Variants in SIN3B observed in about 807,000 individuals in gnomAD.
The protein encoded by SIN3B is paired amphipathic helix protein Sin3b.
A neutral mutation model predicts 120.2 loss-of-function variants in SIN3B; 19 were observed. That is an observed-to-expected ratio of 0.16 (90% CI 0.11 to 0.23). The LOEUF is 0.23. SIN3B is among the 10% of genes least tolerant of loss of function. The pLI is 1.00. For synonymous variants in SIN3B, 654 were observed against 653.2 expected, an observed-to-expected ratio of 1.00 and a Z score of -0.02; for missense variants, 1,073 against 1,573.0, an observed-to-expected ratio of 0.68 and a Z score of 5.38.
At chr19:16,865,330 G>A in intron 10 of SIN3B, 80 bp from the exon 11 acceptor site, 1 of 743,886 alleles carries the variant, frequency 1.3e-6, no homozygotes. Context: ...AAAATCCTCT[G>A]GTCTCTGAGG....
intron 9 of SIN3B, 104 bp from the exon 10 acceptor site, chr19:16,863,576 T>G: frequency 1.3e-6 from 1 of 766,318 alleles, no homozygotes. Context: ...TGGTATTATG[T>G]ATCAGGATGG....
At chr19:16,839,471 G>A (rs181612303) in intron 3 of SIN3B, among the ~76,000 whole-genome samples, 10 of 152,186 alleles carry the variant, frequency 6.6e-5, no homozygotes, top group East Asian at 1.9e-4. Flanking sequence ...CCATTTTGTC[G>A]CAGTGGCACA....
chr19:16,875,770 CTGTT>C (rs2051593119), intron 14 of SIN3B, among the ~76,000 whole-genome samples: 1 of 140,228 alleles, frequency 7.1e-6, no homozygotes, highest in Non-Finnish European at 1.5e-5. Flanking sequence ...TTGGTCTGGT[CTGTT>C]TGGTCTGGTC....
At chr19:16,857,450 G>A (rs965894299) in intron 8 of SIN3B, among the ~76,000 whole-genome samples, 1 of 150,358 alleles carries the variant, frequency 6.7e-6, no homozygotes, top group Admixed American at 6.6e-5. Context: ...GTTCTAAATG[G>A]GAAAAAGTTG....
intron 10 of SIN3B, 185 bp from the exon 11 acceptor site, chr19:16,865,225 T>G: frequency 7.1e-6 from 4 of 563,814 alleles, no homozygotes; most frequent in Non-Finnish European, 1.3e-5. Flanking sequence ...GCCCAGGAGG[T>G]TGAGGCTGCA....
rs1232010310 is a variant in SIN3B at position 16,869,981 on chromosome 19, G to A, written c.2328G>A (p.Glu776=). 1.2e-6 allele frequency: 2 copies of A among 1,614,132 alleles called. No homozygotes were observed. The highest frequency in any genetic ancestry group is 1.7e-6 in the Non-Finnish European group (2 of 1,180,042). The stretch of plus-strand genomic sequence containing the variant: ...GCCAGGCGCAGAAGCAGCTTCTGGA[G>A]TATCGGACCGAGAAGGAGCGGGAGA... ...IYRQAQKQLL[E]YRTEKEREKL... is the part of the protein sequence containing the mutation. Residue 776 remains glutamate, a synonymous_variant, in exon 13 of 19, where the codon GAG becomes GAA. Transcript: ENST00000248054.
chr19:16,853,321 A>G (rs1971568973), intron 7 of SIN3B, among the ~76,000 whole-genome samples, 163 bp downstream of exon 7: 1 of 152,206 alleles, frequency 6.6e-6, no homozygotes, highest in South Asian at 2.1e-4. Context: ...GCGGAAGGGA[A>G]TGTGGGCCTC....
chr19:16,841,737 G>T (rs748805669), intron 3 of SIN3B, 31 bp from the exon 4 acceptor site: 3 of 1,599,542 alleles, frequency 1.9e-6, no homozygotes, highest in Non-Finnish European at 2.6e-6. Flanking sequence ...CCAGTGTCGG[G>T]CCTGGCAGTA....
chr19:16,873,036 C>A (rs1307096175), intron 14 of SIN3B, among the ~76,000 whole-genome samples: 1 of 152,060 alleles, frequency 6.6e-6, no homozygotes, highest in Non-Finnish European at 1.5e-5. Context: ...CTTTCCGTTT[C>A]CTGGGTCACT....
chr19:16,838,876 G>T (rs1255986842), intron 3 of SIN3B, among the ~76,000 whole-genome samples: 1 of 149,468 alleles, frequency 6.7e-6, no homozygotes. Context: ...GTTTCACCAT[G>T]TTGGCCAGGC....
At position 16,869,604 on chromosome 19, in the gene SIN3B, G is replaced by A; in HGVS notation, c.1951G>A (p.Asp651Asn). The change falls in exon 13 of 19, where the codon GAC becomes AAC. Residue 651 changes from aspartate to asparagine, a missense_variant. By Grantham distance (23) the Asp-to-Asn change is conservative (BLOSUM62 1). Coordinates refer to ENST00000248054, the MANE Select transcript of SIN3B (RefSeq NM_001297595.2). ...VKRQPAIQKE[D>N]QGTIHQLLHQ... ...GCGGCAGCCGGCCATCCAGAAGGAG[G>A]ACCAGGGCACCATCCACCAGCTGCT... is the stretch of plus-strand genomic sequence containing the variant. 6.2e-7 allele frequency: 1 copy of A among 1,613,536 alleles called. No homozygotes were observed. The highest frequency in any genetic ancestry group is 8.5e-7 in the Non-Finnish European group (1 of 1,180,032).
At chr19:16,853,212 C>G in intron 7 of SIN3B, 54 bp downstream of exon 7, 1 of 1,526,108 alleles carries the variant, frequency 6.6e-7, no homozygotes, top group Non-Finnish European at 9.1e-7. Flanking sequence ...GCTGGCTGGG[C>G]CAATGCTCCC....
intron 10 of SIN3B, among the ~76,000 whole-genome samples, chr19:16,864,944 C>T (rs1489448011): frequency 1.3e-5 from 2 of 151,848 alleles, no homozygotes; most frequent in Non-Finnish European, 2.9e-5. Flanking sequence ...AAGCGATTCT[C>T]CTGCCTTAGC....
intron 4 of SIN3B, 95 bp from the exon 5 acceptor site, chr19:16,846,875 C>T (rs1971485911): frequency 1.5e-6 from 2 of 1,348,190 alleles, no homozygotes; most frequent in South Asian, 1.3e-5. Flanking sequence ...TGAGAGTCAT[C>T]CTGTCCCCTT....
Position 16,854,022 on chromosome 19 carries a change from A to G in SIN3B, c.940-121A>G, listed in dbSNP as rs1301927361. The stretch of plus-strand genomic sequence containing the variant: ...CTGTGTGAATTGCAGCACAGATATC[A>G]TTTACTTATAGACACAGTTGGTTCC... On this transcript the variant is annotated intron_variant, in intron 7 of 18. Transcript: ENST00000248054. The G allele has an allele frequency of 1.5e-5, 10 of 675,062 alleles. No homozygotes were observed. In the Admixed American group the frequency reaches 2.5e-4, roughly 17 times the overall value. The allele number at this position is 675,062 out of a possible 1,614,324, so 41.8% of individuals were successfully genotyped here. A position where few individuals can be genotyped will look rare whatever the true frequency, so the allele number is the denominator to read the frequency against.
In SIN3B at chr19:16,870,065, G is replaced by C; in HGVS notation, c.2412G>C (p.Leu804=). Reference sequence around the variant, plus strand: ...GCGACCCCGCCATGGAGCTGCGGCTGAAGCAGCCCAGTAAGGCTCCAAAGC... The same window carrying C: ...GCGACCCCGCCATGGAGCTGCGGCTCAAGCAGCCCAGTAAGGCTCCAAAGC... ...KGSDPAMELR[L]KQPSEVELEE... The change falls in exon 13 of 19, where the codon CTG becomes CTC. Residue 804 remains leucine, a synonymous_variant. Transcript: ENST00000248054. 1 of 1,600,212 alleles carries C rather than the reference G, an allele frequency of 6.2e-7. No individual in the cohort carries two copies. The highest frequency in any genetic ancestry group is 8.5e-7 in the Non-Finnish European group (1 of 1,173,144).
rs1027522366 is a variant in SIN3B, at chr19:16,862,905, C to T, written c.1266+346C>T. The T allele has an allele frequency of 3.7e-6, 6 of 1,614,094 alleles. No homozygotes were observed. The African/African-American group carries it at 8.0e-5, about 22-fold the overall frequency. On this transcript the variant is annotated intron_variant, in intron 9 of 18. Coordinates refer to ENST00000248054, the MANE Select transcript of SIN3B (RefSeq NM_001297595.2). This position sits in a 1 kb window ranked among gnomAD's most constrained non-coding sequence, Gnocchi z 4.7. Reference sequence around the variant, plus strand: ...TTAGCTTGACCATTGGACACTTCTCCAGGGTTCGTGGACAGACGATTACTG... The same window carrying T: ...TTAGCTTGACCATTGGACACTTCTCTAGGGTTCGTGGACAGACGATTACTG...
chr19:16,851,779 C>T (rs967859889), intron 6 of SIN3B, among the ~76,000 whole-genome samples: 6 of 152,194 alleles, frequency 3.9e-5, no homozygotes, highest in Non-Finnish European at 7.3e-5. Context: ...TAACCCTGCC[C>T]TAGGTCCCAA....
chr19:16,831,228 C>T (rs931046467), intron 2 of SIN3B, among the ~76,000 whole-genome samples: 2 of 152,036 alleles, frequency 1.3e-5, no homozygotes, highest in African/African-American at 2.4e-5. Context: ...ACTCCAAGTT[C>T]GTTTTTGTAT....
Sources: gnomAD v4.1 joint callset for allele counts (sites outside exome capture counted in the v4.1 genomes callset) on GRCh38, gnomAD v4.1.1 for gene constraint, Gnocchi (gnomAD v3.1) non-coding constraint, MANE v1.5 for transcripts, NCBI Gene and HGNC (gene_info 2026-07-23, HGNC 2026-07-21) for gene names.